Variants in CHN1 observed in about 807,000 individuals in gnomAD.
CHN1 encodes N-chimaerin.
In CHN1, 37 loss-of-function variants were observed where a neutral mutation model predicts 59.5. That is an observed-to-expected ratio of 0.62 (90% confidence interval 0.48 to 0.82). The LOEUF (loss-of-function observed/expected upper bound fraction) is 0.82. CHN1 is among the 40% of genes least tolerant of loss of function. The probability of loss-of-function intolerance (pLI) is 0.00; values close to 1 mark genes in which losing one functional copy is unlikely to be tolerated. For synonymous variants in CHN1, 206 were observed against 200.4 expected (o/e 1.03, Z -0.24); for missense variants, 469 against 571.0 (o/e 0.82, Z 1.82).
At chr2:174,905,271 T>C (rs1033162444) in intron 5 of CHN1, among the ~76,000 whole-genome samples, 2 of 152,212 alleles carry the variant, frequency 1.3e-5, no homozygotes, top group East Asian at 1.9e-4. Context: ...CCTGAGATTC[T>C]AGTTCTTCTT....
chr2:174,880,049 G>C (rs1687688872), intron 5 of CHN1, among the ~76,000 whole-genome samples: 1 of 152,026 alleles, frequency 6.6e-6, no homozygotes, highest in Admixed American at 6.6e-5. Flanking sequence ...TACCTGTAAG[G>C]AGCTGTGCAA....
At chr2:174,801,274 C>G (rs552545862) in intron 12 of CHN1, among the ~76,000 whole-genome samples, 1 of 152,186 alleles carries the variant, frequency 6.6e-6, no homozygotes, top group Admixed American at 6.5e-5. Context: ...ATTCAATAAT[C>G]GAAAATCCTG....
intron 5 of CHN1, among the ~76,000 whole-genome samples, chr2:174,902,146 T>C (rs1003287749): frequency 6.6e-6 from 1 of 152,212 alleles, no homozygotes; most frequent in African/African-American, 2.4e-5. Context: ...ATTTTTTGTA[T>C]TGTATATTTG....
At chr2:174,889,736 C>T (rs1687993194) in intron 5 of CHN1, among the ~76,000 whole-genome samples, 1 of 151,974 alleles carries the variant, frequency 6.6e-6, no homozygotes, top group South Asian at 2.1e-4. Flanking sequence ...TGGGATACTA[C>T]AAAGTGTATC....
intron 1 of CHN1, among the ~76,000 whole-genome samples, chr2:175,002,093 A>G (rs1473012992): frequency 2.6e-5 from 4 of 152,228 alleles, no homozygotes; most frequent in Admixed American, 2.6e-4. Context: ...TGTCTCTTGT[A>G]CGCTGTGACA....
At position 174,957,449 on chromosome 2, in the gene CHN1, G is replaced by GGC. The variant is rs920830582; in HGVS notation, c.20-5248_20-5247insGC. Among the ~76,000 whole-genome samples, 9 of 143,032 alleles carry GGC rather than the reference G, an allele frequency of 6.3e-5. 1 individual carries two copies. Among genetic ancestry groups the GGC allele is most frequent in the African/African-American group, 1.8e-4 (7 of 39,098 alleles). The allele number at this position is 143,032 out of a possible 152,430, so 93.8% of individuals were successfully genotyped here. The stretch of plus-strand genomic sequence containing the variant: ...GCCTCTGCTAGGGTGTGTGTGTTGG[G>GGC]GGGGGGGGCAGTTAATTATATTGAA... On this transcript the variant is annotated intron_variant, in intron 1 of 12. Transcript: ENST00000409900.
intron 6 of CHN1, among the ~76,000 whole-genome samples, chr2:174,849,703 A>T (rs918746800): frequency 5.9e-5 from 9 of 152,182 alleles, no homozygotes; most frequent in African/African-American, 1.9e-4. Flanking sequence ...TATATTCCAG[A>T]CACCCAACTA....
intron 5 of CHN1, among the ~76,000 whole-genome samples, chr2:174,883,752 C>T (rs1687807537): frequency 6.6e-6 from 1 of 151,602 alleles, no homozygotes; most frequent in African/African-American, 2.4e-5. Flanking sequence ...GTTTCCTGTT[C>T]CTATTCTTGA....
intron 7 of CHN1, among the ~76,000 whole-genome samples, chr2:174,843,396 C>T (rs1483515999): frequency 6.6e-6 from 1 of 152,050 alleles, no homozygotes; most frequent in Non-Finnish European, 1.5e-5. Flanking sequence ...CGTGCCACCA[C>T]ACCCGGCTAA....
At chr2:174,911,339 ATGT>A (rs1688695565) in intron 5 of CHN1, among the ~76,000 whole-genome samples, 1 of 152,222 alleles carries the variant, frequency 6.6e-6, no homozygotes, top group African/African-American at 2.4e-5. Context: ...ACGAATACAA[ATGT>A]TGTCAAAATC....
intron 6 of CHN1, among the ~76,000 whole-genome samples, chr2:174,855,402 A>T (rs1250908591): frequency 6.6e-6 from 1 of 152,214 alleles, no homozygotes; most frequent in Non-Finnish European, 1.5e-5. Context: ...GGTTTAGTGA[A>T]ATCCTGCAAT....
intron 5 of CHN1, among the ~76,000 whole-genome samples, chr2:174,912,249 T>C (rs1199997924): frequency 6.6e-6 from 1 of 152,228 alleles, no homozygotes; most frequent in African/African-American, 2.4e-5. Context: ...GCAGAAAATA[T>C]GTATTTGATA....
chr2:174,887,983 T>G (rs1687939432), intron 5 of CHN1, among the ~76,000 whole-genome samples: 1 of 152,200 alleles, frequency 6.6e-6, no homozygotes, highest in African/African-American at 2.4e-5. Context: ...TAAAGACAGA[T>G]AGACTTATAA....
chr2:174,831,039 G>C (rs1685862895), intron 7 of CHN1, among the ~76,000 whole-genome samples: 1 of 152,146 alleles, frequency 6.6e-6, no homozygotes, highest in African/African-American at 2.4e-5. Context: ...AATAACTACA[G>C]GGAAAAGCTG....
intron 4 of CHN1, among the ~76,000 whole-genome samples, chr2:174,917,460 A>C (rs570931534): frequency 6.6e-5 from 10 of 152,284 alleles, no homozygotes; most frequent in African/African-American, 2.4e-4. Flanking sequence ...AATTAACTTA[A>C]AAGAAAATCA....
chr2:174,878,192 AAAAAC>A, intron 5 of CHN1, 64 bp from the exon 6 acceptor site: 37 of 1,375,404 alleles, frequency 2.7e-5, no homozygotes, highest in South Asian at 4.8e-5. Context: ...TTTCTGAAAA[AAAAAC>A]AAAAACAAAA....
intron 6 of CHN1, among the ~76,000 whole-genome samples, chr2:174,853,929 T>C (rs1686822351): frequency 6.6e-6 from 1 of 152,126 alleles, no homozygotes; most frequent in South Asian, 2.1e-4. Context: ...CAATAGATAC[T>C]GTGAGCTACT....
Position 175,005,154 on chromosome 2 carries a change from C to G in CHN1, c.-242G>C. ...GGGAGCCCCGCTAGCTCTCCGCGAG[C>G]CGGCACTTGTCGCTGCCATCAGGCG... On this transcript the variant is annotated 5_prime_UTR_variant, in exon 1 of 13. Coordinates refer to ENST00000409900, the MANE Select transcript of CHN1 (RefSeq NM_001822.7). 1 of 1,287,098 alleles carries G rather than the reference C, an allele frequency of 7.8e-7. No homozygotes were observed. Among genetic ancestry groups the G allele is most frequent in the Non-Finnish European group, 9.8e-7 (1 of 1,015,340 alleles). 79.7% of individuals were successfully genotyped at this position (1,287,098 alleles called of 1,614,324 possible). A position where few individuals can be genotyped will look rare whatever the true frequency, so the allele number is the denominator to read the frequency against.
At chr2:174,860,032 GT>G (rs1021461571) in intron 6 of CHN1, among the ~76,000 whole-genome samples, 3 of 152,194 alleles carry the variant, frequency 2.0e-5, no homozygotes, top group South Asian at 2.1e-4. Flanking sequence ...GATACATGCA[GT>G]TTTTTGTCAG....
Sources: allele counts gnomAD v4.1 joint callset (sites outside exome capture counted in the v4.1 genomes callset), GRCh38; gene constraint gnomAD v4.1.1; transcripts MANE v1.5; gene names NCBI Gene and HGNC (gene_info 2026-07-23, HGNC 2026-07-21).